The following PIP5K1B variants were observed in gnomAD, a reference collection of about 807,000 sequenced individuals.
PIP5K1B encodes the protein phosphatidylinositol-4-phosphate 5-kinase type 1 beta.
Under a neutral mutation model 67.0 loss-of-function variants are expected in PIP5K1B, and 42 were observed. That is an observed-to-expected ratio of 0.63 (90% CI 0.49 to 0.81). The LOEUF (loss-of-function observed/expected upper bound fraction) is 0.81, where lower values mean the gene tolerates loss of function less well. PIP5K1B is among the 30% of genes least tolerant of loss of function. PIP5K1B has a pLI of 0.00. For synonymous variants in PIP5K1B, 214 were observed against 231.4 expected (o/e 0.92, Z 0.68); for missense variants, 459 against 646.3 (o/e 0.71, Z 3.14).
At chr9:68,976,915 C>T (rs976914707) in intron 14 of PIP5K1B, among the ~76,000 whole-genome samples, 3 of 152,292 alleles carry the variant, frequency 2.0e-5, no homozygotes. Context: ...GTTGGGGACC[C>T]CTGCCCTATG....
chr9:68,763,612 A>T (rs1830288601), intron 2 of PIP5K1B, among the ~76,000 whole-genome samples: 1 of 152,128 alleles, frequency 6.6e-6, no homozygotes, highest in South Asian at 2.1e-4. Flanking sequence ...TTAAAAAAAA[A>T]TACAATTCAC....
intron 12 of PIP5K1B, among the ~76,000 whole-genome samples, chr9:68,932,046 T>C (rs1827029959): frequency 6.6e-6 from 1 of 152,220 alleles, no homozygotes; most frequent in African/African-American, 2.4e-5. Context: ...TTTTCCGGTC[T>C]TCTCTGCTCC....
At chr9:68,898,649 G>T (rs1825211058) in intron 8 of PIP5K1B, among the ~76,000 whole-genome samples, 1 of 152,048 alleles carries the variant, frequency 6.6e-6, no homozygotes, top group South Asian at 2.1e-4. Context: ...GTGACCCAGG[G>T]AACATGACCA....
At chr9:68,776,651 A>T (rs891939761) in intron 2 of PIP5K1B, among the ~76,000 whole-genome samples, 10 of 151,854 alleles carry the variant, frequency 6.6e-5, no homozygotes, top group Non-Finnish European at 1.2e-4. Context: ...AATATTTTTT[A>T]AAATATAAGT....
chr9:68,955,359 T>C (rs1455247034), intron 14 of PIP5K1B, among the ~76,000 whole-genome samples: 1 of 152,252 alleles, frequency 6.6e-6, no homozygotes, highest in African/African-American at 2.4e-5. Context: ...ACATCTGACT[T>C]TTCAAGTGCA....
chr9:68,847,401 A>G (rs950979127), intron 4 of PIP5K1B, among the ~76,000 whole-genome samples: 2 of 133,972 alleles, frequency 1.5e-5, no homozygotes, highest in Non-Finnish European at 3.2e-5. Flanking sequence ...ATCAGCAACA[A>G]CAGCAGTGGT....
intron 13 of PIP5K1B, among the ~76,000 whole-genome samples, chr9:68,938,943 G>A (rs909899289): frequency 6.6e-6 from 1 of 152,188 alleles, no homozygotes; most frequent in Non-Finnish European, 1.5e-5. Flanking sequence ...CGTACAATTA[G>A]GTGAGGCTCC....
chr9:68,937,631 T>C (rs1390770642), intron 13 of PIP5K1B, among the ~76,000 whole-genome samples: 1 of 152,212 alleles, frequency 6.6e-6, no homozygotes, highest in Admixed American at 6.5e-5. Flanking sequence ...CTTAGTTATT[T>C]CTTGTCTTCC....
chr9:68,834,680 G>A (rs578035352), intron 4 of PIP5K1B, among the ~76,000 whole-genome samples: 1 of 152,270 alleles, frequency 6.6e-6, no homozygotes, highest in African/African-American at 2.4e-5. Context: ...TATGGGGCGG[G>A]GCTGGGGGGC....
At position 69,008,443 on chromosome 9, in the gene PIP5K1B, C is replaced by G. The variant is rs760526631; in HGVS notation, c.1621-4C>G. The stretch of plus-strand genomic sequence containing the variant: ...TCTCACACCTGCTTTTTTGCTCCCC[C>G]CAGTAAGTGAAAATGGTGATCACCT... On this transcript the variant is annotated splice_region_variant and splice_polypyrimidine_tract_variant and intron_variant, in intron 15 of 15. Coordinates refer to ENST00000265382, the MANE Select transcript of PIP5K1B (RefSeq NM_003558.4). The G allele has an allele frequency of 1.4e-5, 23 of 1,613,762 alleles. No individual in the cohort carries two copies. In the South Asian group the frequency reaches 1.4e-4, roughly 10 times the overall value.
At chr9:68,742,474 G>A (rs1273504154) in intron 1 of PIP5K1B, 27 bp from the exon 2 acceptor site, 1 of 152,112 alleles carries the variant, frequency 6.6e-6, no homozygotes, top group Non-Finnish European at 1.5e-5. Context: ...ATTGTTTGAG[G>A]TAGGCATTAT....
At chr9:68,838,855 T>TA (rs1345061811) in intron 4 of PIP5K1B, among the ~76,000 whole-genome samples, 1 of 152,232 alleles carries the variant, frequency 6.6e-6, no homozygotes, top group African/African-American at 2.4e-5. Context: ...TAAACACAGT[T>TA]AGCTTTTTGA....
rs1829340783 is a variant in PIP5K1B, at chr9:68,746,928, A to G, written c.-86+4271A>G. On this transcript the variant is annotated intron_variant, in intron 2 of 15. Coordinates refer to ENST00000265382, the MANE Select transcript of PIP5K1B (RefSeq NM_003558.4). ...CCCCAAAGTTGTCATAGCCTCCCCT[A>G]ACCCCCTCACACCAGACCTGTCCCT... Among the ~76,000 whole-genome samples the G allele has an allele frequency of 2.0e-5, 3 of 152,036 alleles. No homozygotes were observed. The South Asian group carries it at 6.2e-4, about 32-fold the overall frequency.
chr9:68,746,512 T>G (rs979390022), intron 2 of PIP5K1B, among the ~76,000 whole-genome samples: 1 of 152,208 alleles, frequency 6.6e-6, no homozygotes, highest in Non-Finnish European at 1.5e-5. Flanking sequence ...TCTGTCTTTT[T>G]CTCTCACTCT....
At chr9:68,772,696 C>G (rs1328713271) in intron 2 of PIP5K1B, among the ~76,000 whole-genome samples, 1 of 152,128 alleles carries the variant, frequency 6.6e-6, no homozygotes, top group South Asian at 2.1e-4. Flanking sequence ...TGTATATGAA[C>G]CTTCCAATTC....
chr9:69,009,017 G>A lies in PIP5K1B; in HGVS notation c.*568G>A, dbSNP rs1254865432. ...ACTGTTTACTAGTGAAATGAGAAAA[G>A]CAAAGCTATTTATAAAAGGCCTTAT... On this transcript the variant is annotated 3_prime_UTR_variant, in exon 16 of 16. Coordinates refer to ENST00000265382, the MANE Select transcript of PIP5K1B (RefSeq NM_003558.4). 1 of 153,714 alleles carries A rather than the reference G, an allele frequency of 6.5e-6. No individual in the cohort carries two copies. Among genetic ancestry groups the A allele is most frequent in the Non-Finnish European group, 1.5e-5 (1 of 68,792 alleles). The allele number at this position is 153,714 out of a possible 1,614,324, so 9.5% of individuals were successfully genotyped here.
rs562053033 is a variant in PIP5K1B at position 68,990,701 on chromosome 9, G to A, written c.1503-439G>A. Among the ~76,000 whole-genome samples the A allele has an allele frequency of 2.0e-5, 3 of 151,174 alleles. No individual in the cohort carries two copies. The South Asian group carries it at 6.3e-4, about 32-fold the overall frequency. ...TTTTTTTGAGACAGAGTCTCACTTT[G>A]TTGCCGGGCTAGAGTGCAGTGGTGC... is the stretch of plus-strand genomic sequence containing the variant. On this transcript the variant is annotated intron_variant, in intron 14 of 15. Transcript: ENST00000265382.
At chr9:68,757,468 A>C (rs564021437) in intron 2 of PIP5K1B, among the ~76,000 whole-genome samples, 102 of 152,076 alleles carry the variant, frequency 6.7e-4, no homozygotes, top group Non-Finnish European at 1.3e-3. Flanking sequence ...AGGGGGCTTC[A>C]TTATGTTAAA....
intron 2 of PIP5K1B, chr9:68,780,156 G>A (rs372734391): frequency 2.5e-5 from 38 of 1,509,612 alleles, no homozygotes; most frequent in Non-Finnish European, 3.3e-5. Flanking sequence ...CCGCCTCCCT[G>A]CCCCCGACAT....
Sources: gnomAD v4.1 joint callset for allele counts (sites outside exome capture counted in the v4.1 genomes callset) on GRCh38, gnomAD v4.1.1 for gene constraint, MANE v1.5 for transcripts, NCBI Gene and HGNC (gene_info 2026-07-23, HGNC 2026-07-21) for gene names.